The following FAM20A variants were observed in gnomAD, a reference collection of about 807,000 sequenced individuals.
FAM20A encodes the protein pseudokinase FAM20A.
A neutral mutation model predicts 52.0 loss-of-function variants in FAM20A; 42 were observed. The ratio of observed to expected loss-of-function variants is 0.81; its 90% CI spans 0.63 to 1.04. FAM20A has a LOEUF of 1.04. FAM20A is among the 50% of genes least tolerant of loss of function. The probability of loss-of-function intolerance (pLI) is 0.00; values close to 1 mark genes in which losing one functional copy is unlikely to be tolerated. For synonymous variants in FAM20A, 304 were observed against 298.9 expected, an observed-to-expected ratio of 1.02 and a Z score of -0.18; for missense variants, 742 against 712.7, an observed-to-expected ratio of 1.04 and a Z score of -0.47.
chr17:68,555,236 G>C (rs1318072895), intron 2 of FAM20A, among the ~76,000 whole-genome samples: 2 of 152,244 alleles, frequency 1.3e-5, no homozygotes, highest in Non-Finnish European at 2.9e-5. Flanking sequence ...TTCCCTGTCT[G>C]TAAAATGGCA....
intron 1 of FAM20A, among the ~76,000 whole-genome samples, chr17:68,595,993 T>A (rs1248766983): frequency 6.6e-6 from 1 of 152,186 alleles, no homozygotes; most frequent in Non-Finnish European, 1.5e-5. Context: ...ACCCTTCTCC[T>A]CTATCTGCCT....
At position 68,536,300 on chromosome 17, in the gene FAM20A, G is replaced by A; in HGVS notation, c.*1177C>T. 1 of 454,086 alleles carries A rather than the reference G, an allele frequency of 2.2e-6. No individual in the cohort carries two copies. The highest frequency in any genetic ancestry group is 1.6e-5 in the South Asian group (1 of 64,476). 28.1% of individuals were successfully genotyped at this position (454,086 alleles called of 1,614,324 possible). On this transcript the variant is annotated 3_prime_UTR_variant, in exon 11 of 11. Transcript: ENST00000592554. ...TGGAAAAGTTGATTTGATGAAATGA[G>A]GCATTTTTACTTTTGTTGACTGACT...
In FAM20A at chr17:68,549,392, G is replaced by T. The variant is rs184772860; in HGVS notation, c.719+2481C>A. 1.1e-3 allele frequency among the ~76,000 whole-genome samples: 172 copies of T among 152,114 alleles called. 1 individual carries two copies. The highest frequency in any genetic ancestry group is 4.0e-3 in the African/African-American group (167 of 41,498). On this transcript the variant is annotated intron_variant, in intron 4 of 10. Coordinates refer to ENST00000592554, the MANE Select transcript of FAM20A (RefSeq NM_017565.4). ...ATCTATAATCCCAGCTACTTGGGAG[G>T]CTGAGGCAGGATAATTGCTTGAACC...
At position 68,540,960 on chromosome 17, in the gene FAM20A, T is replaced by A; in HGVS notation, c.1110-2A>T. The stretch of plus-strand genomic sequence containing the variant: ...CAGTAAAGGGGATTGACCTCCCACC[T>A]GAGGGGGAGAAGAAGTCCTGGGGCT... On this transcript the variant is annotated splice_acceptor_variant, in intron 7 of 10. Transcript: ENST00000592554. LOFTEE classifies it high-confidence loss of function. The A allele has an allele frequency of 6.3e-7, 1 of 1,580,930 alleles. No homozygotes were observed. The highest frequency in any genetic ancestry group is 8.6e-7 in the Non-Finnish European group (1 of 1,161,742).
chr17:68,594,587 T>C (rs2088403196), intron 1 of FAM20A, among the ~76,000 whole-genome samples: 1 of 152,142 alleles, frequency 6.6e-6, no homozygotes, highest in Non-Finnish European at 1.5e-5. Flanking sequence ...TAGGTTGATT[T>C]CTCATCTGGA....
chr17:68,588,218 T>C (rs1266010971), intron 1 of FAM20A, among the ~76,000 whole-genome samples: 1 of 152,078 alleles, frequency 6.6e-6, no homozygotes, highest in Non-Finnish European at 1.5e-5. Context: ...AACTAGATAT[T>C]TTGCTTTAAG....
intron 1 of FAM20A, chr17:68,558,497 A>G (rs1006966867): frequency 1.4e-5 from 3 of 213,894 alleles, no homozygotes; most frequent in African/African-American, 7.0e-5. Flanking sequence ...CTCAGAGTTC[A>G]TGTGAGATCT....
In FAM20A at chr17:68,555,538, G is replaced by T. The variant is rs377749461; in HGVS notation, c.589+21C>A. The T allele has an allele frequency of 2.5e-6, 4 of 1,611,928 alleles. No individual in the cohort carries two copies. In the African/African-American group the frequency reaches 5.3e-5, roughly 22 times the overall value. ...TCTGGGAGAAAGTCAGTCCCCCCTT[G>T]CTTGATCCCATGAACCTTACCAGCA... On this transcript the variant is annotated intron_variant, in intron 2 of 10. Coordinates refer to ENST00000592554, the MANE Select transcript of FAM20A (RefSeq NM_017565.4).
intron 4 of FAM20A, among the ~76,000 whole-genome samples, chr17:68,546,699 C>G (rs550402911): frequency 2.6e-5 from 4 of 151,598 alleles, no homozygotes; most frequent in African/African-American, 7.3e-5. Context: ...GCATGGTGGC[C>G]GGCGCCTGTA....
At chr17:68,542,962 C>G (rs981952523) in intron 5 of FAM20A, among the ~76,000 whole-genome samples, 153 bp from the exon 6 acceptor site, 1 of 152,042 alleles carries the variant, frequency 6.6e-6, no homozygotes, top group African/African-American at 2.4e-5. Context: ...CTGGTAGTGC[C>G]CAGGTCAACA....
At chr17:68,583,424 A>G (rs937557651) in intron 1 of FAM20A, among the ~76,000 whole-genome samples, 2 of 151,166 alleles carry the variant, frequency 1.3e-5, no homozygotes, top group South Asian at 2.1e-4. Flanking sequence ...GTGTTCCTCA[A>G]CCTGTGACCA....
intron 7 of FAM20A, 78 bp from the exon 8 acceptor site, chr17:68,541,036 C>A (rs2086266506): frequency 3.9e-6 from 6 of 1,540,024 alleles, no homozygotes; most frequent in South Asian, 1.2e-5. Flanking sequence ...CCTCCCCCTG[C>A]CCCCCCAATC....
At chr17:68,554,677 T>C in intron 3 of FAM20A, 100 bp downstream of exon 3, 3 of 1,127,760 alleles carry the variant, frequency 2.7e-6, no homozygotes, top group Non-Finnish European at 4.0e-6. Flanking sequence ...AGAGCCATGC[T>C]CCTTCCACTC....
At chr17:68,581,709 G>T (rs1172762287) in intron 1 of FAM20A, among the ~76,000 whole-genome samples, 1 of 151,378 alleles carries the variant, frequency 6.6e-6, no homozygotes, top group Non-Finnish European at 1.5e-5. Context: ...CTGAGTAGCT[G>T]GGACTACAGG....
chr17:68,571,968 A>ATG (rs1170573155), intron 1 of FAM20A, among the ~76,000 whole-genome samples: 10 of 127,396 alleles, frequency 7.8e-5, no homozygotes, highest in Admixed American at 4.1e-4. Context: ...GTGTATATAT[A>ATG]TGTGTGTGTA....
intron 1 of FAM20A, 58 bp from the exon 2 acceptor site, chr17:68,555,801 T>C: frequency 1.9e-6 from 3 of 1,578,378 alleles, no homozygotes; most frequent in Non-Finnish European, 2.6e-6. Context: ...CCCACCAAGA[T>C]ACCTTGTCTG....
At chr17:68,578,328 T>C (rs1279354053) in intron 1 of FAM20A, among the ~76,000 whole-genome samples, 1 of 152,210 alleles carries the variant, frequency 6.6e-6, no homozygotes, top group East Asian at 1.9e-4. Flanking sequence ...GGGGTTAGGC[T>C]GGGGCACATA....
chr17:68,596,593 C>T (rs1263085596), intron 1 of FAM20A, among the ~76,000 whole-genome samples: 1 of 152,210 alleles, frequency 6.6e-6, no homozygotes, highest in Non-Finnish European at 1.5e-5. Context: ...CCAGGTAAAG[C>T]CTGCCTGCCC....
rs2087013078 is a variant in FAM20A at position 68,554,979 on chromosome 17, G to C, written c.590-152C>G. 2.2e-5 allele frequency: 17 copies of C among 777,776 alleles called. No homozygotes were observed. In the South Asian group the frequency reaches 2.5e-4, roughly 12 times the overall value. The allele number at this position is 777,776 out of a possible 1,614,324, so 48.2% of individuals were successfully genotyped here. On this transcript the variant is annotated intron_variant, in intron 2 of 10. Coordinates refer to ENST00000592554, the MANE Select transcript of FAM20A (RefSeq NM_017565.4). ...ACCACTCCGTGGGAGGTCTCTTGGA[G>C]CCCAGGAGACTGTAGCCTCCTTCCC...
Sources: gnomAD v4.1 joint callset for allele counts (sites outside exome capture counted in the v4.1 genomes callset) on GRCh38, gnomAD v4.1.1 for gene constraint, MANE v1.5 for transcripts, NCBI Gene and HGNC (gene_info 2026-07-23, HGNC 2026-07-21) for gene names.